Variants in NIPBL observed in about 807,000 individuals in gnomAD.
NIPBL encodes the protein NIPBL cohesin loading factor, also known as nipped-B-like protein.
A neutral mutation model predicts 321.8 loss-of-function variants in NIPBL; 19 were observed. The ratio of observed to expected loss-of-function variants is 0.06; its 90% CI spans 0.04 to 0.09. The LOEUF is 0.09. Ranked by LOEUF, NIPBL falls within the 10% of genes least tolerant of loss-of-function variation. The pLI is 1.00. For synonymous variants in NIPBL, 1,106 were observed against 1,114.1 expected (o/e 0.99, Z 0.14); for missense variants, 2,210 against 3,327.0 (o/e 0.66, Z 8.26).
Position 37,051,592 on chromosome 5 carries a change from T to C in NIPBL, c.6955-187T>C, listed in dbSNP as rs796322286. ...GTCAGTATTTTTGCTGGTGCTCCAG[T>C]GCTTTCTGGATTTAAGCTGAATCTC... On this transcript the variant is annotated intron_variant, in intron 40 of 46. Coordinates refer to ENST00000282516, the MANE Select transcript of NIPBL (RefSeq NM_133433.4). The C allele has an allele frequency of 1.3e-5, 8 of 607,700 alleles. No individual in the cohort carries two copies. In the African/African-American group the frequency reaches 1.5e-4, roughly 11 times the overall value. The allele number at this position is 607,700 out of a possible 1,614,324, so 37.6% of individuals were successfully genotyped here.
Position 36,985,838 on chromosome 5 carries a change from A to C in NIPBL, c.2658A>C (p.Gln886His). 6.2e-7 allele frequency: 1 copy of C among 1,613,914 alleles called. No individual in the cohort carries two copies. The highest frequency in any genetic ancestry group is 8.5e-7 in the Non-Finnish European group (1 of 1,179,920). Residue 886 changes from glutamine to histidine, a missense_variant, in exon 10 of 47, where the codon CAA becomes CAC. This residue lies in a region of NIPBL where 588 missense variants were observed against 564.1 expected (regional missense o/e 1.04). Transcript: ENST00000282516. ...GGGAAAGACCATCTTCTGGGGAACA[A>C]AAATCAAGACCTGACAGTCCTCGTG... ...DSRERPSSGE[Q>H]KSRPDSPRVK...
intron 33 of NIPBL, among the ~76,000 whole-genome samples, chr5:37,037,409 G>C (rs866935493): frequency 1.4e-5 from 2 of 140,240 alleles, no homozygotes; most frequent in Non-Finnish European, 3.1e-5. Flanking sequence ...ATATATATAT[G>C]TATATATATA....
intron 38 of NIPBL, among the ~76,000 whole-genome samples, chr5:37,048,145 G>A (rs1011798672): frequency 2.0e-5 from 3 of 152,122 alleles, no homozygotes; most frequent in African/African-American, 4.8e-5. Flanking sequence ...TTGAGGCACA[G>A]AGAGATTATG....
chr5:37,052,935 A>C (rs2149743086), intron 42 of NIPBL, among the ~76,000 whole-genome samples: 1 of 152,266 alleles, frequency 6.6e-6, no homozygotes, highest in Admixed American at 6.5e-5. Context: ...TGAGATCCCT[A>C]GTTGTTCAAC....
Position 36,996,540 on chromosome 5 carries a change from C to T in NIPBL, c.3304+736C>T. 1 of 456,362 alleles carries T rather than the reference C, an allele frequency of 2.2e-6. No homozygotes were observed. Among genetic ancestry groups the T allele is most frequent in the Non-Finnish European group, 4.4e-6 (1 of 226,786 alleles). The allele number at this position is 456,362 out of a possible 1,614,324, so 28.3% of individuals were successfully genotyped here. A position where few individuals can be genotyped will look rare whatever the true frequency, so the allele number is the denominator to read the frequency against. On this transcript the variant is annotated intron_variant, in intron 11 of 46. Transcript: ENST00000282516. This position sits in a 1 kb window ranked among gnomAD's most constrained non-coding sequence, Gnocchi z 5.0. ...ATCACCTGTCTTTGCACTAGACTTGCTATACCTCGCCTGTCTTCCTACTGG... is the reference window on the plus strand; with the variant it reads ...ATCACCTGTCTTTGCACTAGACTTGTTATACCTCGCCTGTCTTCCTACTGG...
At chr5:37,007,870 T>C (rs555007390) in intron 18 of NIPBL, 138 bp from the exon 19 acceptor site, 2 of 677,794 alleles carry the variant, frequency 3.0e-6, no homozygotes, top group South Asian at 1.7e-5. Flanking sequence ...AAAGAATAGA[T>C]GCTGATTAGG....
rs1744565279 is a variant in NIPBL, at chr5:36,984,886, A to G, written c.1706A>G (p.Glu569Gly). 9 of 1,613,914 alleles carry G rather than the reference A, an allele frequency of 5.6e-6. No individual in the cohort carries two copies. The highest frequency in any genetic ancestry group is 7.6e-6 in the Non-Finnish European group (9 of 1,179,882). The change falls in exon 10 of 47, where the codon GAA becomes GGA. Residue 569 changes from glutamate (E) to glycine (G), a missense_variant. Transcript: ENST00000282516. The stretch of plus-strand genomic sequence containing the variant: ...TCAGACTCCATAAAAAAGCCTGAAG[A>G]AATCAAACAATGTAATGATGCACCT... ...QDSDSIKKPE[E>G]IKQCNDAPVS...
At chr5:37,063,759 A>G in intron 45 of NIPBL, 31 bp from the exon 46 acceptor site, 1 of 1,582,440 alleles carries the variant, frequency 6.3e-7, no homozygotes, top group Non-Finnish European at 8.6e-7. Context: ...ATATTTACTT[A>G]AAATTCTGAA....
intron 38 of NIPBL, 91 bp from the exon 39 acceptor site, chr5:37,048,408 AAGG>A (rs1212990176): frequency 2.7e-6 from 2 of 737,556 alleles, no homozygotes; most frequent in East Asian, 7.7e-5. Flanking sequence ...TTTTTGAAAT[AAGG>A]AGCCGTTTAT....
At chr5:36,987,999 A>G (rs1179473634) in intron 10 of NIPBL, among the ~76,000 whole-genome samples, 1 of 152,146 alleles carries the variant, frequency 6.6e-6, no homozygotes, top group African/African-American at 2.4e-5. Flanking sequence ...CAGGTGAAAG[A>G]TGGAAAGTGG....
chr5:37,027,787 T>G (rs939995284), intron 32 of NIPBL, among the ~76,000 whole-genome samples: 14 of 151,670 alleles, frequency 9.2e-5, no homozygotes, highest in Admixed American at 6.6e-5. Flanking sequence ...CTCGGCTAAT[T>G]TTTGTATTTT....
intron 32 of NIPBL, among the ~76,000 whole-genome samples, chr5:37,027,711 T>A (rs937365442): frequency 1.4e-5 from 2 of 144,918 alleles, no homozygotes; most frequent in Non-Finnish European, 3.0e-5. Flanking sequence ...CTCTGCCTCC[T>A]GGGTTCAAGC....
chr5:36,989,007 A>G (rs1745162099), intron 10 of NIPBL, among the ~76,000 whole-genome samples: 1 of 152,206 alleles, frequency 6.6e-6, no homozygotes, highest in Admixed American at 6.5e-5. Context: ...AGTACCTAAC[A>G]AAATACTTCA....
intron 34 of NIPBL, 134 bp downstream of exon 34, chr5:37,038,872 T>C (rs149851574): frequency 7.3e-5 from 68 of 936,230 alleles, no homozygotes; most frequent in Middle Eastern, 6.7e-4. Flanking sequence ...GTACTATTTG[T>C]AGCAAGTGAT....
At chr5:37,033,724 A>AT (rs1286423460) in intron 32 of NIPBL, among the ~76,000 whole-genome samples, 5 of 82,332 alleles carry the variant, frequency 6.1e-5, no homozygotes, top group African/African-American at 2.1e-4. Context: ...ATATATATAT[A>AT]TATATATTTT....
intron 1 of NIPBL, among the ~76,000 whole-genome samples, chr5:36,904,137 A>G (rs548773839): frequency 2.6e-5 from 4 of 152,342 alleles, no homozygotes; most frequent in African/African-American, 9.6e-5. Flanking sequence ...GAATTTTATT[A>G]AATATTTAGT....
At position 37,058,969 on chromosome 5, in the gene NIPBL, G is replaced by A. The variant is rs759115050; in HGVS notation, c.7489G>A (p.Val2497Ile). The A allele has an allele frequency of 1.2e-6, 2 of 1,614,228 alleles. No individual in the cohort carries two copies. The highest frequency in any genetic ancestry group is 2.7e-5 in the African/African-American group (2 of 75,054). The part of the protein sequence containing the change: ...ENESSDSEEE[V>I]SRPRKSRKRV... The stretch of plus-strand genomic sequence containing the variant: ...TGAGTCAAGCGACAGTGAAGAAGAA[G>A]TTTCCAGGCCTCGGAAGTCACGGAA... The change falls in exon 44 of 47, where the codon GTT becomes ATT. Residue 2497 changes from valine (V) to isoleucine (I), a missense_variant. Physicochemically the swap from Val to Ile is conservative, Grantham distance 29. Coordinates refer to ENST00000282516, the MANE Select transcript of NIPBL (RefSeq NM_133433.4).
At chr5:36,969,762 ACTGT>A (rs1742648426) in intron 6 of NIPBL, among the ~76,000 whole-genome samples, 1 of 152,196 alleles carries the variant, frequency 6.6e-6, no homozygotes, top group Admixed American at 6.5e-5. Context: ...AAGTAAAGTG[ACTGT>A]CAGAAACATT....
At chr5:36,892,264 C>T (rs944365932) in intron 1 of NIPBL, among the ~76,000 whole-genome samples, 5 of 152,112 alleles carry the variant, frequency 3.3e-5, no homozygotes, top group East Asian at 1.9e-4. Context: ...GTTAGAATGG[C>T]GATCATTAAA....
Sources: allele counts gnomAD v4.1 joint callset (sites outside exome capture counted in the v4.1 genomes callset), GRCh38; gene constraint gnomAD v4.1.1; regional missense constraint gnomAD v4.1.1; non-coding constraint Gnocchi (gnomAD v3.1); transcripts MANE v1.5; gene names NCBI Gene and HGNC (gene_info 2026-07-23, HGNC 2026-07-21).